The following HCN1 variants were observed in gnomAD, a reference collection of about 807,000 sequenced individuals.
The protein encoded by HCN1 is hyperpolarization activated cyclic nucleotide gated potassium channel 1, also known as potassium/sodium hyperpolarization-activated cyclic nucleotide-gated channel 1.
Under a neutral mutation model 78.9 loss-of-function variants are expected in HCN1, and 13 were observed. The ratio of observed to expected loss-of-function variants is 0.16; its 90% CI spans 0.11 to 0.26. The LOEUF (loss-of-function observed/expected upper bound fraction) is 0.26, where lower values mean the gene tolerates loss of function less well. Ranked by LOEUF, HCN1 falls within the 10% of genes least tolerant of loss-of-function variation. HCN1 has a pLI of 1.00. For synonymous variants in HCN1, 552 were observed against 455.5 expected, an observed-to-expected ratio of 1.21 and a Z score of -2.70; for missense variants, 810 against 1,154.3, an observed-to-expected ratio of 0.70 and a Z score of 4.32.
chr5:45,566,233 A>G (rs1743704920), intron 2 of HCN1, among the ~76,000 whole-genome samples: 1 of 152,126 alleles, frequency 6.6e-6, no homozygotes, highest in Non-Finnish European at 1.5e-5. Context: ...TTTAAACTCT[A>G]TAACTGGTTG....
chr5:45,624,747 G>A (rs1285515360), intron 2 of HCN1, among the ~76,000 whole-genome samples: 2 of 151,988 alleles, frequency 1.3e-5, no homozygotes, highest in Non-Finnish European at 2.9e-5. Context: ...GAGCCATTTG[G>A]GAATGAGAAA....
At chr5:45,505,804 G>A (rs761349352) in intron 2 of HCN1, among the ~76,000 whole-genome samples, 2 of 152,036 alleles carry the variant, frequency 1.3e-5, no homozygotes, top group Admixed American at 6.6e-5. Flanking sequence ...ACACATCCAT[G>A]TTGGAGGCTA....
rs373479204 is a variant in HCN1, at chr5:45,318,650, A to G, written c.1378-14811T>C. On this transcript the variant is annotated intron_variant, in intron 5 of 7. Transcript: ENST00000303230. ...TTTGCTTACAGCAGTCCTTCCCATT[A>G]TTTTGCTAAAATATGACAGGATTAT... is the stretch of plus-strand genomic sequence containing the variant. Among the ~76,000 whole-genome samples the G allele has an allele frequency of 3.3e-5, 5 of 151,970 alleles. No individual in the cohort carries two copies. In the East Asian group the frequency reaches 5.8e-4, roughly 18 times the overall value.
At chr5:45,457,140 A>G (rs1561162286) in intron 3 of HCN1, among the ~76,000 whole-genome samples, 1 of 152,242 alleles carries the variant, frequency 6.6e-6, no homozygotes, top group East Asian at 1.9e-4. Flanking sequence ...AGATTGCTCT[A>G]GGAATGTACT....
chr5:45,349,617 A>T (rs964568417), intron 5 of HCN1, among the ~76,000 whole-genome samples: 1 of 152,232 alleles, frequency 6.6e-6, no homozygotes, highest in Non-Finnish European at 1.5e-5. Flanking sequence ...CAAAATTGAT[A>T]GACCGCTAGC....
chr5:45,324,245 C>A (rs1746188662), intron 5 of HCN1, among the ~76,000 whole-genome samples: 1 of 151,678 alleles, frequency 6.6e-6, no homozygotes, highest in African/African-American at 2.4e-5. Context: ...AAAATTTTTG[C>A]AATCTACTCA....
At chr5:45,319,158 C>T (rs1002047997) in intron 5 of HCN1, among the ~76,000 whole-genome samples, 1 of 151,902 alleles carries the variant, frequency 6.6e-6, no homozygotes, top group East Asian at 1.9e-4. Context: ...AAATTAAAAG[C>T]TGGGAGGAAC....
intron 4 of HCN1, among the ~76,000 whole-genome samples, chr5:45,381,423 G>A (rs1747804806): frequency 6.6e-6 from 1 of 151,850 alleles, no homozygotes; most frequent in Non-Finnish European, 1.5e-5. Flanking sequence ...AAACTACAAA[G>A]CAATGGCCAT....
chr5:45,484,433 T>TA lies in HCN1; in HGVS notation c.850-22427dup, dbSNP rs542294680. Among the ~76,000 whole-genome samples the TA allele has an allele frequency of 6.7e-3, 992 of 147,840 alleles. 8 individuals are homozygous for TA. The highest frequency in any genetic ancestry group is 0.018 in the African/African-American group (741 of 40,504). On this transcript the variant is annotated intron_variant, in intron 2 of 7. Transcript: ENST00000303230. Reference sequence around the variant, plus strand: ...TGGGCAACAGAGCAAGACGCCATCTTAAAAAAAAAAATCCGTCTAAATATA... The same window carrying TA: ...TGGGCAACAGAGCAAGACGCCATCTTAAAAAAAAAAAATCCGTCTAAATATA...
chr5:45,382,882 T>C (rs527978790), intron 4 of HCN1, among the ~76,000 whole-genome samples: 75 of 152,314 alleles, frequency 4.9e-4, no homozygotes, highest in Middle Eastern at 6.8e-3. Flanking sequence ...AATGGGGGAC[T>C]TTATTGTAAT....
At chr5:45,428,298 T>C (rs1156391748) in intron 3 of HCN1, among the ~76,000 whole-genome samples, 1 of 152,122 alleles carries the variant, frequency 6.6e-6, no homozygotes, top group Non-Finnish European at 1.5e-5. Flanking sequence ...TTTCAAATTT[T>C]CTTCTAGGAG....
chr5:45,334,266 T>A (rs1323569134), intron 5 of HCN1, among the ~76,000 whole-genome samples: 1 of 151,862 alleles, frequency 6.6e-6, no homozygotes, highest in Non-Finnish European at 1.5e-5. Context: ...AGCAACTAGA[T>A]TTTGGAAATA....
rs115966568 is a variant in HCN1 at position 45,296,373 on chromosome 5, C to T, written c.1618+7226G>A. Among the ~76,000 whole-genome samples, 773 of 151,398 alleles carry T rather than the reference C, an allele frequency of 5.1e-3. 2 individuals are homozygous for T. The highest frequency in any genetic ancestry group is 0.018 in the African/African-American group (738 of 41,292). On this transcript the variant is annotated intron_variant, in intron 6 of 7. Transcript: ENST00000303230. The stretch of plus-strand genomic sequence containing the variant: ...CTATATATTTATCACACTGAAAAAC[C>T]ATATGGGACAAGGAAAAAGTCTCAG...
At chr5:45,360,959 A>C (rs1203398630) in intron 4 of HCN1, among the ~76,000 whole-genome samples, 1 of 152,132 alleles carries the variant, frequency 6.6e-6, no homozygotes, top group Non-Finnish European at 1.5e-5. Context: ...CAAGATATGC[A>C]AAAGCTTTTT....
chr5:45,373,631 G>A (rs866161595), intron 4 of HCN1, among the ~76,000 whole-genome samples: 14 of 126,248 alleles, frequency 1.1e-4, no homozygotes, highest in African/African-American at 3.6e-4. Context: ...ATTACATACG[G>A]TATATACGTC....
chr5:45,274,144 A>T (rs1745009068), intron 6 of HCN1, among the ~76,000 whole-genome samples: 1 of 152,170 alleles, frequency 6.6e-6, no homozygotes, highest in Non-Finnish European at 1.5e-5. Context: ...TAGATTACAT[A>T]TTATAATATT....
chr5:45,414,647 A>G (rs966085010), intron 3 of HCN1, among the ~76,000 whole-genome samples: 2 of 152,074 alleles, frequency 1.3e-5, no homozygotes, highest in Non-Finnish European at 2.9e-5. Flanking sequence ...CCATTTAAAT[A>G]CTAAATAGTT....
intron 3 of HCN1, among the ~76,000 whole-genome samples, chr5:45,431,827 G>A (rs1209537009): frequency 6.6e-6 from 1 of 152,030 alleles, no homozygotes; most frequent in Non-Finnish European, 1.5e-5. Context: ...TACTGTTTTG[G>A]TTACTGTAGG....
intron 3 of HCN1, among the ~76,000 whole-genome samples, chr5:45,409,295 G>A (rs576439659): frequency 4.6e-5 from 7 of 151,852 alleles, no homozygotes; most frequent in Non-Finnish European, 8.8e-5. Flanking sequence ...TTCATAGCAC[G>A]TTTTGCTATG....
Sources: allele counts gnomAD v4.1 joint callset (sites outside exome capture counted in the v4.1 genomes callset), GRCh38; gene constraint gnomAD v4.1.1; transcripts MANE v1.5; gene names NCBI Gene and HGNC (gene_info 2026-07-23, HGNC 2026-07-21).